Variants in SIPA1L3 observed in about 807,000 individuals in gnomAD.
The protein encoded by SIPA1L3 is signal-induced proliferation-associated 1-like protein 3.
SIPA1L3 carries 59 observed loss-of-function variants against 150.1 expected under a neutral mutation model. The ratio of observed to expected loss-of-function variants is 0.39; its 90% CI spans 0.32 to 0.49. The LOEUF (loss-of-function observed/expected upper bound fraction) is 0.49, where lower values mean the gene tolerates loss of function less well. SIPA1L3 is among the 20% of genes least tolerant of loss of function. The pLI is 0.86. For missense variants in SIPA1L3, 2,211 were observed against 2,489.5 expected (o/e 0.89, Z 2.38); for synonymous variants, 1,070 against 1,077.6 (o/e 0.99, Z 0.14).
intron 1 of SIPA1L3, among the ~76,000 whole-genome samples, chr19:37,989,185 C>G (rs1381107356): frequency 1.3e-5 from 2 of 152,162 alleles, no homozygotes; most frequent in African/African-American, 4.8e-5. Flanking sequence ...TCCCACGGAA[C>G]CTTCCTAACT....
chr19:38,136,431 C>T (rs1048643085), intron 10 of SIPA1L3, among the ~76,000 whole-genome samples: 1 of 151,904 alleles, frequency 6.6e-6, no homozygotes, highest in Non-Finnish European at 1.5e-5. Context: ...TGGTGAAACC[C>T]GGTGTCTACT....
intron 10 of SIPA1L3, among the ~76,000 whole-genome samples, chr19:38,134,947 G>T (rs1022087322): frequency 4.6e-5 from 7 of 152,132 alleles, no homozygotes; most frequent in Admixed American, 2.6e-4. Flanking sequence ...GCACAAGATG[G>T]GGTGACGATG....
At chr19:37,971,742 A>G (rs1175814356) in intron 1 of SIPA1L3, among the ~76,000 whole-genome samples, 1 of 151,482 alleles carries the variant, frequency 6.6e-6, no homozygotes, top group Non-Finnish European at 1.5e-5. Flanking sequence ...TTCCTTTTGT[A>G]TTTTATTAGA....
intron 1 of SIPA1L3, among the ~76,000 whole-genome samples, chr19:37,992,979 C>A (rs1472577945): frequency 1.3e-5 from 2 of 152,166 alleles, no homozygotes; most frequent in African/African-American, 4.8e-5. Context: ...AGCTGCGTGA[C>A]CCCGGCAGGA....
chr19:38,069,394 A>G (rs1236963475), intron 2 of SIPA1L3, among the ~76,000 whole-genome samples: 1 of 152,186 alleles, frequency 6.6e-6, no homozygotes, highest in Non-Finnish European at 1.5e-5. Context: ...GTCCTCCCCA[A>G]CCACACCTGC....
chr19:38,115,769 G>A (rs967505684), intron 8 of SIPA1L3, among the ~76,000 whole-genome samples: 2 of 152,152 alleles, frequency 1.3e-5, no homozygotes, highest in African/African-American at 4.8e-5. Flanking sequence ...GTCCAAATCA[G>A]GTCTTTCTCT....
At chr19:38,166,446 A>C (rs1381088456) in intron 15 of SIPA1L3, among the ~76,000 whole-genome samples, 1 of 147,928 alleles carries the variant, frequency 6.8e-6, no homozygotes, top group Non-Finnish European at 1.5e-5. Flanking sequence ...ACAGAGCAAG[A>C]CTCTGTCTCA....
At chr19:37,987,388 T>C (rs895261486) in intron 1 of SIPA1L3, among the ~76,000 whole-genome samples, 4 of 152,212 alleles carry the variant, frequency 2.6e-5, no homozygotes, top group African/African-American at 7.2e-5. Context: ...CCCTTGGTGA[T>C]TGACTACCCA....
chr19:38,070,157 T>C (rs1969683615), intron 2 of SIPA1L3, among the ~76,000 whole-genome samples: 1 of 151,230 alleles, frequency 6.6e-6, no homozygotes, highest in Non-Finnish European at 1.5e-5. Context: ...CAAGGAGTCT[T>C]CCTGACCCCC....
chr19:37,979,823 G>A (rs548110215), intron 1 of SIPA1L3, among the ~76,000 whole-genome samples: 66 of 152,324 alleles, frequency 4.3e-4, no homozygotes, highest in Admixed American at 5.9e-4. Context: ...CTTTTCTTGC[G>A]TGCTAACTGT....
intron 12 of SIPA1L3, among the ~76,000 whole-genome samples, chr19:38,150,761 G>C (rs993971859): frequency 2.6e-5 from 4 of 151,540 alleles, no homozygotes; most frequent in East Asian, 3.9e-4. Flanking sequence ...GGCTGGTCTC[G>C]AACTCCTGAG....
intron 1 of SIPA1L3, among the ~76,000 whole-genome samples, chr19:37,987,260 G>A (rs555771617): frequency 6.6e-6 from 1 of 152,236 alleles, no homozygotes; most frequent in African/African-American, 2.4e-5. Flanking sequence ...CCCAGGTGAT[G>A]TAGATGATGC....
In SIPA1L3 at chr19:38,081,763, C is replaced by A; in HGVS notation, c.198C>A (p.Arg66=). The change falls in exon 3 of 22, where the codon CGC becomes CGA. Residue 66 remains arginine, a synonymous_variant. Transcript: ENST00000222345. Reference sequence around the variant, plus strand: ...CCGCCACCGCCACCGCCACCACCCGCCCCAGCCCCACCACTCCCGCAATGC... The same window carrying A: ...CCGCCACCGCCACCGCCACCACCCGACCCAGCCCCACCACTCCCGCAATGC... ...TATATATATT[R]PSPTTPAMPK... is the part of the protein sequence containing the mutation. 6.2e-7 allele frequency: 1 copy of A among 1,606,580 alleles called. No individual in the cohort carries two copies. The highest frequency in any genetic ancestry group is 8.5e-7 in the Non-Finnish European group (1 of 1,177,606).
chr19:37,908,386 C>G (rs1330357310), intron 1 of SIPA1L3, among the ~76,000 whole-genome samples: 10 of 152,222 alleles, frequency 6.6e-5, no homozygotes, highest in Non-Finnish European at 1.5e-4. Flanking sequence ...AATTGTTCTT[C>G]AATATTCTCC....
intron 1 of SIPA1L3, among the ~76,000 whole-genome samples, chr19:37,911,599 C>G (rs997223180): frequency 6.6e-6 from 1 of 151,512 alleles, no homozygotes; most frequent in Non-Finnish European, 1.5e-5. Flanking sequence ...AGCTCCGCCT[C>G]CTGGGTTCAC....
chr19:38,014,731 G>A (rs938075129), intron 1 of SIPA1L3, among the ~76,000 whole-genome samples: 7 of 150,410 alleles, frequency 4.7e-5, no homozygotes, highest in East Asian at 2.0e-4. Context: ...GTGCAGTGGC[G>A]CAATCTCGGC....
At chr19:38,133,325 C>T (rs1395213481) in intron 10 of SIPA1L3, among the ~76,000 whole-genome samples, 3 of 152,212 alleles carry the variant, frequency 2.0e-5, no homozygotes, top group African/African-American at 2.4e-5. Context: ...GGTTTGCAGA[C>T]GAGTGCCATC....
chr19:38,179,642 A>G (rs757323621), intron 15 of SIPA1L3, among the ~76,000 whole-genome samples: 2 of 152,106 alleles, frequency 1.3e-5, no homozygotes, highest in Non-Finnish European at 2.9e-5. Context: ...ATAAACATCC[A>G]TATGTGTTTT....
At chr19:37,960,046 C>T (rs1271361479) in intron 1 of SIPA1L3, among the ~76,000 whole-genome samples, 4 of 151,784 alleles carry the variant, frequency 2.6e-5, no homozygotes, top group Non-Finnish European at 4.4e-5. Context: ...TTAAATCAGT[C>T]GAGAAGAAAA....
Sources: allele counts gnomAD v4.1 joint callset (sites outside exome capture counted in the v4.1 genomes callset), GRCh38; gene constraint gnomAD v4.1.1; transcripts MANE v1.5; gene names NCBI Gene and HGNC (gene_info 2026-07-23, HGNC 2026-07-21).